Variants in CCDC120 observed in about 807,000 individuals in gnomAD.
CCDC120 encodes coiled-coil domain-containing protein 120.
In CCDC120, 16 loss-of-function variants were observed where a neutral mutation model predicts 37.6. The observed-to-expected ratio is 0.43, with a 90% CI of 0.29 to 0.65. The LOEUF is 0.65. CCDC120 is among the 30% of genes least tolerant of loss of function. The probability of loss-of-function intolerance (pLI) is 0.18; values close to 1 mark genes in which losing one functional copy is unlikely to be tolerated. For synonymous variants in CCDC120, 309 were observed against 275.4 expected, an observed-to-expected ratio of 1.12 and a Z score of -1.21; for missense variants, 650 against 657.4, an observed-to-expected ratio of 0.99 and a Z score of 0.12.
At chrX:49,063,547 C>T (rs1427949128) in intron 4 of CCDC120, among the ~76,000 whole-genome samples, 2 of 111,089 alleles carry the variant, frequency 1.8e-5, no homozygotes, top group African/African-American at 3.3e-5. Flanking sequence ...GCTCAGACCA[C>T]GCAGCCACAG....
upstream of CCDC120, among the ~76,000 whole-genome samples, chrX:49,057,240 G>T (rs1290622583): frequency 8.9e-6 from 1 of 112,340 alleles, no homozygotes; most frequent in Non-Finnish European, 1.9e-5. Flanking sequence ...GCCCACCTCT[G>T]TGTGAGTGTA....
At chrX:49,059,779 C>A (rs782647492) in intron 1 of CCDC120, among the ~76,000 whole-genome samples, 18 of 109,385 alleles carry the variant, frequency 1.6e-4, no homozygotes, top group Middle Eastern at 4.8e-3. Context: ...TACTGCTCTC[C>A]CGCTGCAGCT....
chrX:49,066,813 G>C (rs1422662743), intron 9 of CCDC120: 2 of 95,147 alleles, frequency 2.1e-5, no homozygotes, highest in Non-Finnish European at 2.2e-5. Context: ...CCTGGAGGCC[G>C]TGCGAGCCAT....
exon 1 of CCDC120, chrX:49,053,595 C>G (rs2064812524): frequency 8.8e-6 from 1 of 113,135 alleles, no homozygotes; most frequent in Non-Finnish European, 1.9e-5. Flanking sequence ...GGCTGAGCGG[C>G]GGAGGTGGCC....
intron 10 of CCDC120, 161 bp from the exon 11 acceptor site, chrX:49,068,383 T>C: frequency 3.8e-6 from 4 of 1,048,400 alleles, no homozygotes; most frequent in Non-Finnish European, 4.9e-6. Flanking sequence ...TGCTGTTTTC[T>C]TCCTTTTTTC....
At chrX:49,068,458 T>C (rs1490186236) in intron 10 of CCDC120, 86 bp from the exon 11 acceptor site, 3 of 1,044,123 alleles carry the variant, frequency 2.9e-6, no homozygotes, top group Non-Finnish European at 3.7e-6. Context: ...GAGCCTCTTT[T>C]CCTTTCTTTT....
In CCDC120 at chrX:49,062,006, G is replaced by A. The variant is rs2064890912; in HGVS notation, c.-36G>A. 8.7e-7 allele frequency: 1 copy of A among 1,152,849 alleles called. No individual in the cohort carries two copies. Among genetic ancestry groups the A allele is most frequent in the African/African-American group, 1.8e-5 (1 of 55,653 alleles). ...ATGGGCCTCTGAGGAGGCGTTGTAA[G>A]TCCGCCCAGCTCCCCACTTGCTGTG... On this transcript the variant is annotated 5_prime_UTR_variant, in exon 2 of 11. Transcript: ENST00000603986.
chrX:49,062,933 G>A (rs2064904189), intron 4 of CCDC120, among the ~76,000 whole-genome samples: 1 of 111,910 alleles, frequency 8.9e-6, no homozygotes, highest in Non-Finnish European at 1.9e-5. Context: ...GGTGGCTCAC[G>A]CCTGTAATCC....
Position 49,067,480 on chromosome X carries a change from G to A in CCDC120, c.1366G>A (p.Ala456Thr), listed in dbSNP as rs1363195320. ...TAGPPDPPRA[A>T]RPSSAAPASR... ...AGGCCCCCCAGACCCTCCCCGGGCCGCCCGGCCTAGCTCAGCTGCCCCTGC... is the reference window on the plus strand; with the variant it reads ...AGGCCCCCCAGACCCTCCCCGGGCCACCCGGCCTAGCTCAGCTGCCCCTGC... Residue 456 changes from alanine to threonine, a missense_variant, in exon 10 of 11, where the codon GCC (alanine) becomes ACC (threonine). Physicochemically the swap from Ala to Thr is moderately conservative, Grantham distance 58. This residue lies in a region of CCDC120 where 576 missense variants were observed against 565.3 expected (regional missense o/e 1.02). Coordinates refer to ENST00000603986, the MANE Select transcript of CCDC120 (RefSeq NM_001163321.4). 7.7e-6 allele frequency: 9 copies of A among 1,168,405 alleles called. No individual in the cohort carries two copies. The highest frequency in any genetic ancestry group is 7.2e-5 in the Admixed American group (3 of 41,868).
At chrX:49,060,163 G>A (rs150807776) in intron 1 of CCDC120, among the ~76,000 whole-genome samples, 2,373 of 111,598 alleles carry the variant, frequency 0.021, 59 homozygotes, top group African/African-American at 0.074. Context: ...AGTGCCTCAC[G>A]CATGTAATCC....
Position 49,067,266 on chromosome X carries a change from C to T in CCDC120, c.1152C>T (p.Ser384=). The T allele has an allele frequency of 8.3e-7, 1 of 1,211,323 alleles. No homozygotes were observed. The highest frequency in any genetic ancestry group is 1.1e-6 in the Non-Finnish European group (1 of 895,398). ...PRADPASDRA[S]LFVARTRRSN... Reference sequence around the variant, plus strand: ...CGGACCCTGCCTCCGATCGCGCCTCCCTCTTCGTAGCTCGCACCCGCCGCA... The same window carrying T: ...CGGACCCTGCCTCCGATCGCGCCTCTCTCTTCGTAGCTCGCACCCGCCGCA... Residue 384 remains serine, a synonymous_variant, in exon 10 of 11, where the codon TCC becomes TCT. Transcript: ENST00000603986.
chrX:49,068,651 T>C lies in CCDC120; in HGVS notation c.2084T>C (p.Leu695Pro). 1 of 1,134,146 alleles carries C rather than the reference T, an allele frequency of 8.8e-7. No individual in the cohort carries two copies. Among genetic ancestry groups the C allele is most frequent in the Non-Finnish European group, 1.2e-6 (1 of 857,503 alleles). The allele number at this position is 1,134,146 out of a possible 1,213,427, so 93.5% of individuals were successfully genotyped here. ...SSSDTQTPGT[L>P]V ...TCTGACACCCAGACCCCGGGGACAC[T>C]GGTCTGACCCCTTCTGATATGTCCC... is the stretch of plus-strand genomic sequence containing the variant. The change falls in exon 11 of 11, where the codon CTG becomes CCG. Residue 695 changes from leucine (L) to proline (P), a missense_variant. Transcript: ENST00000603986.
At position 49,068,733 on chromosome X, in the gene CCDC120, C is replaced by G. The variant is rs1176594707; in HGVS notation, c.*75C>G. 6 of 982,323 alleles carry G rather than the reference C, an allele frequency of 6.1e-6. No homozygotes were observed. Among genetic ancestry groups the G allele is most frequent in the Middle Eastern group, 2.9e-4 (1 of 3,430 alleles). 81.0% of individuals were successfully genotyped at this position (982,323 alleles called of 1,213,427 possible). On this transcript the variant is annotated 3_prime_UTR_variant, in exon 11 of 11. Coordinates refer to ENST00000603986, the MANE Select transcript of CCDC120 (RefSeq NM_001163321.4). ...AGCACACAGCTGACCTCGCTGGGCCCTGGGGTGTGGTTGCTCTCAGTCCTG... is the reference window on the plus strand; with the variant it reads ...AGCACACAGCTGACCTCGCTGGGCCGTGGGGTGTGGTTGCTCTCAGTCCTG...
upstream of CCDC120, among the ~76,000 whole-genome samples, chrX:49,057,912 C>T (rs1397146913): frequency 2.7e-5 from 3 of 111,296 alleles, no homozygotes; most frequent in Non-Finnish European, 3.8e-5. Context: ...AGGGACAGTA[C>T]GTCGTAAGGA....
At chrX:49,063,193 C>CA (rs781800207) in intron 4 of CCDC120, among the ~76,000 whole-genome samples, 183 of 47,269 alleles carry the variant, frequency 3.9e-3, no homozygotes, top group Middle Eastern at 0.01. Flanking sequence ...GACTCTGTCT[C>CA]AAAAAAAAAA....
chrX:49,055,580 A>G (rs782084994), upstream of CCDC120, among the ~76,000 whole-genome samples: 3 of 112,039 alleles, frequency 2.7e-5, no homozygotes, highest in East Asian at 8.4e-4. Context: ...TTTAAGAATC[A>G]GGCCTATCCA....
rs879961326 is a variant in CCDC120, at chrX:49,062,009, C to T, written c.-33C>T. 22 of 1,152,622 alleles carry T rather than the reference C, an allele frequency of 1.9e-5. No individual in the cohort carries two copies. The highest frequency in any genetic ancestry group is 2.3e-4 in the Middle Eastern group (1 of 4,314). 95.0% of individuals were successfully genotyped at this position (1,152,622 alleles called of 1,213,427 possible). A position where few individuals can be genotyped will look rare whatever the true frequency, so the allele number is the denominator to read the frequency against. On this transcript the variant is annotated 5_prime_UTR_variant, in exon 2 of 11. Coordinates refer to ENST00000603986, the MANE Select transcript of CCDC120 (RefSeq NM_001163321.4). Reference sequence around the variant, plus strand: ...GGCCTCTGAGGAGGCGTTGTAAGTCCGCCCAGCTCCCCACTTGCTGTGCTC... The same window carrying T: ...GGCCTCTGAGGAGGCGTTGTAAGTCTGCCCAGCTCCCCACTTGCTGTGCTC...
rs1557081720 is a variant in CCDC120 at position 49,067,536 on chromosome X, G to T, written c.1422G>T (p.Val474=). 1 of 1,167,445 alleles carries T rather than the reference G, an allele frequency of 8.6e-7. No individual in the cohort carries two copies. Among genetic ancestry groups the T allele is most frequent in the Non-Finnish European group, 1.1e-6 (1 of 871,165 alleles). ...ASRGAPRLPP[V]CGDFLLDYSL... ...GAGGTGCCCCCCGGCTCCCACCTGT[G>T]TGTGGAGACTTCCTCTTGGACTATT... The change falls in exon 10 of 11, where the codon GTG becomes GTT. Residue 474 remains valine (V), a synonymous_variant. Coordinates refer to ENST00000603986, the MANE Select transcript of CCDC120 (RefSeq NM_001163321.4).
rs990990503 is a variant in CCDC120, at chrX:49,067,238, G to A, written c.1124G>A (p.Arg375Gln). ...GSQDSQMGFPRADPASDRASL... is the reference protein window; with the variant it reads ...GSQDSQMGFPQADPASDRASL... ...CAGGACTCCCAGATGGGCTTCCCCC[G>A]GGCGGACCCTGCCTCCGATCGCGCC... Residue 375 changes from arginine to glutamine, a missense_variant, in exon 10 of 11, where the codon CGG (arginine) becomes CAG (glutamine). Coordinates refer to ENST00000603986, the MANE Select transcript of CCDC120 (RefSeq NM_001163321.4). 4.1e-6 allele frequency: 5 copies of A among 1,211,288 alleles called. No individual in the cohort carries two copies. Among genetic ancestry groups the A allele is most frequent in the Middle Eastern group, 2.3e-4 (1 of 4,336 alleles).
Sources: gnomAD v4.1 joint callset for allele counts (sites outside exome capture counted in the v4.1 genomes callset) on GRCh38, gnomAD v4.1.1 for gene constraint, gnomAD v4.1.1 regional missense constraint, MANE v1.5 for transcripts, NCBI Gene and HGNC (gene_info 2026-07-23, HGNC 2026-07-21) for gene names.